Variants in MAN1A1 observed in about 807,000 individuals in gnomAD.
MAN1A1 encodes the protein mannosidase alpha class 1A member 1.
In MAN1A1, 29 loss-of-function variants were observed where a neutral mutation model predicts 70.8. The observed-to-expected ratio is 0.41, with a 90% CI of 0.31 to 0.56. The LOEUF (loss-of-function observed/expected upper bound fraction) is 0.56. Ranked by LOEUF, MAN1A1 falls within the 20% of genes least tolerant of loss-of-function variation. MAN1A1 has a pLI of 0.29. For missense variants in MAN1A1, 747 were observed against 841.3 expected, an observed-to-expected ratio of 0.89 and a Z score of 1.39; for synonymous variants, 349 against 330.1, an observed-to-expected ratio of 1.06 and a Z score of -0.62.
At chr6:119,347,293 C>A (rs564607786) in intron 2 of MAN1A1, among the ~76,000 whole-genome samples, 3 of 152,206 alleles carry the variant, frequency 2.0e-5, no homozygotes, top group Non-Finnish European at 4.4e-5. Flanking sequence ...TCAACCACCT[C>A]AAAAATCTGT....
At chr6:119,283,193 T>C (rs1413346964) in intron 5 of MAN1A1, among the ~76,000 whole-genome samples, 1 of 152,206 alleles carries the variant, frequency 6.6e-6, no homozygotes, top group African/African-American at 2.4e-5. Context: ...CTACATTACA[T>C]TTTCTCCTTC....
chr6:119,216,438 G>C (rs909955383), intron 6 of MAN1A1, among the ~76,000 whole-genome samples: 11 of 152,172 alleles, frequency 7.2e-5, no homozygotes, highest in African/African-American at 2.7e-4. Flanking sequence ...GGGGATAAGG[G>C]AAGACAGGAT....
chr6:119,288,648 C>A (rs1315072885), intron 5 of MAN1A1, among the ~76,000 whole-genome samples: 1 of 151,776 alleles, frequency 6.6e-6, no homozygotes, highest in Non-Finnish European at 1.5e-5. Context: ...GTATTAATCA[C>A]TTCTCACTTG....
At chr6:119,212,039 A>G (rs985436739) in intron 6 of MAN1A1, among the ~76,000 whole-genome samples, 6 of 151,518 alleles carry the variant, frequency 4.0e-5, no homozygotes, top group African/African-American at 1.5e-4. Flanking sequence ...ACGGGGTTTC[A>G]CCATGTTAGC....
intron 5 of MAN1A1, among the ~76,000 whole-genome samples, chr6:119,278,363 T>C (rs1351177035): frequency 6.6e-6 from 1 of 152,224 alleles, no homozygotes; most frequent in Admixed American, 6.5e-5. Flanking sequence ...ACTTACTTCT[T>C]AAGGCTCTAG....
At chr6:119,322,994 AC>A (rs374172672) in intron 2 of MAN1A1, among the ~76,000 whole-genome samples, 3 of 152,278 alleles carry the variant, frequency 2.0e-5, no homozygotes, top group African/African-American at 7.2e-5. Flanking sequence ...CTTTGCCCAA[AC>A]CCTTGAAAGG....
rs35446116 is a variant in MAN1A1, at chr6:119,222,326, ATT to A, written c.993-17446_993-17445del. On this transcript the variant is annotated intron_variant, in intron 6 of 12. Coordinates refer to ENST00000368468, the MANE Select transcript of MAN1A1 (RefSeq NM_005907.4). The stretch of plus-strand genomic sequence containing the variant: ...ATCTTTCATCTTTTTTTTTTTAAGG[ATT>A]TTTTTTTTTTTTTTTTGAGACAGGA... 5.4e-3 allele frequency among the ~76,000 whole-genome samples: 618 copies of A among 115,214 alleles called. 3 individuals carry two copies. Among genetic ancestry groups the A allele is most frequent in the African/African-American group, 0.019 (576 of 30,998 alleles). 75.6% of individuals were successfully genotyped at this position (115,214 alleles called of 152,430 possible).
At chr6:119,278,180 A>G (rs1199514004) in intron 5 of MAN1A1, among the ~76,000 whole-genome samples, 1 of 151,692 alleles carries the variant, frequency 6.6e-6, no homozygotes, top group African/African-American at 2.4e-5. Context: ...CAATGACAAA[A>G]ATCCAAAACA....
intron 5 of MAN1A1, among the ~76,000 whole-genome samples, chr6:119,252,652 C>T (rs1041841737): frequency 2.6e-5 from 4 of 151,936 alleles, no homozygotes; most frequent in African/African-American, 7.3e-5. Context: ...ATTAGCTGGG[C>T]GTGGTGGTAC....
chr6:119,203,641 C>T (rs1773777064), intron 7 of MAN1A1, among the ~76,000 whole-genome samples: 1 of 151,908 alleles, frequency 6.6e-6, no homozygotes. Flanking sequence ...GTGAGACACC[C>T]AAAGGATTTC....
chr6:119,280,286 G>C (rs1022225336), intron 5 of MAN1A1, among the ~76,000 whole-genome samples: 1 of 152,200 alleles, frequency 6.6e-6, no homozygotes, highest in Non-Finnish European at 1.5e-5. Context: ...GAATGCCCAA[G>C]TTTGAAGCCT....
At chr6:119,284,484 A>G (rs1458868224) in intron 5 of MAN1A1, among the ~76,000 whole-genome samples, 1 of 152,236 alleles carries the variant, frequency 6.6e-6, no homozygotes. Context: ...GCTGTTGAGA[A>G]GGGGCAGAGA....
At chr6:119,259,020 T>A (rs1322491091) in intron 5 of MAN1A1, among the ~76,000 whole-genome samples, 1 of 152,216 alleles carries the variant, frequency 6.6e-6, no homozygotes, top group Non-Finnish European at 1.5e-5. Flanking sequence ...ACAATAGTTA[T>A]TATTCTTGGC....
chr6:119,329,907 C>T (rs1349028688), intron 2 of MAN1A1, among the ~76,000 whole-genome samples: 1 of 152,166 alleles, frequency 6.6e-6, no homozygotes, highest in African/African-American at 2.4e-5. Context: ...CCACAGAACA[C>T]TTCTTAGTCC....
chr6:119,235,710 C>T (rs1393660151), intron 6 of MAN1A1, among the ~76,000 whole-genome samples: 2 of 152,180 alleles, frequency 1.3e-5, no homozygotes. Context: ...AAGATGCCAT[C>T]TAGGATTTTC....
chr6:119,206,011 A>G (rs554330625), intron 6 of MAN1A1, among the ~76,000 whole-genome samples: 2 of 152,328 alleles, frequency 1.3e-5, no homozygotes, highest in South Asian at 4.1e-4. Flanking sequence ...GGGACACACA[A>G]TCCAGCGTAG....
Position 119,179,099 on chromosome 6 carries a change from T to G in MAN1A1, c.*720A>C, listed in dbSNP as rs1284013399. The G allele has an allele frequency of 6.6e-6, 1 of 152,174 alleles. No homozygotes were observed. The highest frequency in any genetic ancestry group is 1.5e-5 in the Non-Finnish European group (1 of 68,016). 9.4% of individuals were successfully genotyped at this position (152,174 alleles called of 1,614,324 possible). On this transcript the variant is annotated 3_prime_UTR_variant, in exon 13 of 13. Transcript: ENST00000368468. ...GGGGAATGGAAGAAATTAACTAGTATATAATCCAGAAATGACACAGGGCAT... is the reference window on the plus strand; with the variant it reads ...GGGGAATGGAAGAAATTAACTAGTAGATAATCCAGAAATGACACAGGGCAT...
chr6:119,205,893 A>G (rs1321597774), intron 6 of MAN1A1, among the ~76,000 whole-genome samples: 2 of 152,356 alleles, frequency 1.3e-5, no homozygotes, highest in Non-Finnish European at 2.9e-5. Flanking sequence ...CTTTTTCTCA[A>G]AGACCTAATA....
intron 6 of MAN1A1, among the ~76,000 whole-genome samples, chr6:119,230,134 GCC>G (rs1372544559): frequency 2.0e-5 from 3 of 152,150 alleles, no homozygotes; most frequent in African/African-American, 7.2e-5. Context: ...CATTTCAAGG[GCC>G]TATCCAGCTA....
Sources: gnomAD v4.1 joint callset for allele counts (sites outside exome capture counted in the v4.1 genomes callset) on GRCh38, gnomAD v4.1.1 for gene constraint, MANE v1.5 for transcripts, NCBI Gene and HGNC (gene_info 2026-07-23, HGNC 2026-07-21) for gene names.